The following DIP2C variants were observed in gnomAD, a reference collection of about 807,000 sequenced individuals.
DIP2C encodes DIP2 acetate--CoA ligase C (putative).
Under a neutral mutation model 192.4 loss-of-function variants are expected in DIP2C, and 33 were observed. That is an observed-to-expected ratio of 0.17 (90% CI 0.13 to 0.23). The LOEUF is 0.23. Ranked by LOEUF, DIP2C falls within the 10% of genes least tolerant of loss-of-function variation. The pLI is 1.00. For synonymous variants in DIP2C, 979 were observed against 864.1 expected, an observed-to-expected ratio of 1.13 and a Z score of -2.33; for missense variants, 1,537 against 2,110.1, an observed-to-expected ratio of 0.73 and a Z score of 5.32.
intron 33 of DIP2C, among the ~76,000 whole-genome samples, chr10:286,917 G>T (rs1389172420): frequency 6.6e-6 from 1 of 152,184 alleles, no homozygotes; most frequent in African/African-American, 2.4e-5. Flanking sequence ...GATATAGTAG[G>T]CAGCTGCTCT....
Position 567,172 on chromosome 10 carries a change from T to C in DIP2C, c.86-80642A>G, listed in dbSNP as rs193049203. Among the ~76,000 whole-genome samples the C allele has an allele frequency of 3.5e-5, 5 of 143,918 alleles. No individual in the cohort carries two copies. The East Asian group carries it at 7.9e-4, about 23-fold the overall frequency. The allele number at this position is 143,918 out of a possible 152,430, so 94.4% of individuals were successfully genotyped here. ...CCGGCGGAAGGAGGACAGGCACCGG[T>C]TTTGGGGGGTTTTTTGTTTTGTTTT... On this transcript the variant is annotated intron_variant, in intron 1 of 36. Transcript: ENST00000280886.
chr10:451,549 T>C (rs960231486), intron 3 of DIP2C, among the ~76,000 whole-genome samples: 7 of 152,230 alleles, frequency 4.6e-5, no homozygotes, highest in African/African-American at 1.4e-4. Flanking sequence ...TTCCTGACTA[T>C]AATTTAATCA....
Position 390,382 on chromosome 10 carries a change from T to C in DIP2C, c.1385-9A>G, listed in dbSNP as rs1564651007. 5 of 1,612,420 alleles carry C rather than the reference T, an allele frequency of 3.1e-6. No homozygotes were observed. The highest frequency in any genetic ancestry group is 4.2e-6 in the Non-Finnish European group (5 of 1,178,870). Reference sequence around the variant, plus strand: ...CAGCAGCTTTGGCCAACCTTGGAAATAAACAACAAGTTCCTTTTAAATGTT... The same window carrying C: ...CAGCAGCTTTGGCCAACCTTGGAAACAAACAACAAGTTCCTTTTAAATGTT... On this transcript the variant is annotated splice_polypyrimidine_tract_variant and intron_variant, in intron 11 of 36. Coordinates refer to ENST00000280886, the MANE Select transcript of DIP2C (RefSeq NM_014974.3).
intron 10 of DIP2C, among the ~76,000 whole-genome samples, chr10:397,134 C>T (rs7898532): frequency 0.99 from 151,346 of 152,302 alleles, 75,205 homozygotes; most frequent in Middle Eastern, 1. Context: ...AACTTTAATG[C>T]TGGAGTAGCC....
Position 615,220 on chromosome 10 carries a change from G to A in DIP2C, c.85+74274C>T, listed in dbSNP as rs138137664. Among the ~76,000 whole-genome samples the A allele has an allele frequency of 1.4e-4, 21 of 152,334 alleles. No homozygotes were observed. In the East Asian group the frequency reaches 3.5e-3, roughly 25 times the overall value. On this transcript the variant is annotated intron_variant, in intron 1 of 36. Transcript: ENST00000280886. ...CCCTAGGCGGGCTGCTTCTCCCAACGATCGGGGAAGAAATGAGATCTGTTT... is the reference window on the plus strand; with the variant it reads ...CCCTAGGCGGGCTGCTTCTCCCAACAATCGGGGAAGAAATGAGATCTGTTT...
intron 1 of DIP2C, among the ~76,000 whole-genome samples, chr10:593,485 A>ACCCCCCCCCC (rs10563749): frequency 2.0e-4 from 13 of 64,210 alleles, no homozygotes; most frequent in Non-Finnish European, 2.5e-4. Flanking sequence ...CCCACGCGGG[A>ACCCCCCCCCC]CCCCCCCCCC....
rs1232072264 is a variant in DIP2C at position 384,131 on chromosome 10, A to G, written c.1772T>C (p.Val591Ala). The change falls in exon 16 of 37, where the codon GTG becomes GCG. Residue 591 changes from valine (V) to alanine (A), a missense_variant. Physicochemically the swap from Val to Ala is moderately conservative, Grantham distance 64. Transcript: ENST00000280886. ...TGCCCAATGCATATCCCTCGATTTC[A>G]CACACGCCACTTTTGCTAAAAAGAA... The part of the protein sequence containing the change: ...VCQYKAKVAC[V>A]KSRDMHWALV... 1.9e-6 allele frequency: 3 copies of G among 1,609,532 alleles called. No homozygotes were observed. Among genetic ancestry groups the G allele is most frequent in the Non-Finnish European group, 2.5e-6 (3 of 1,179,108 alleles).
chr10:595,864 A>T (rs974349677), intron 1 of DIP2C, among the ~76,000 whole-genome samples: 1 of 152,258 alleles, frequency 6.6e-6, no homozygotes, highest in African/African-American at 2.4e-5. Flanking sequence ...TCATAATCTG[A>T]GGCCTGACAG....
At chr10:369,716 A>G in intron 17 of DIP2C, 83 bp from the exon 18 acceptor site, 1 of 1,606,860 alleles carries the variant, frequency 6.2e-7, no homozygotes, top group Non-Finnish European at 8.5e-7. Flanking sequence ...CACATGCGGC[A>G]GGCTGGGCAC....
intron 1 of DIP2C, among the ~76,000 whole-genome samples, chr10:645,567 T>C (rs115549830): frequency 0.024 from 3,600 of 152,308 alleles, 76 homozygotes; most frequent in East Asian, 0.085. Context: ...ATTGATGACT[T>C]GATGGTGGTA....
intron 16 of DIP2C, among the ~76,000 whole-genome samples, chr10:383,774 G>T (rs191516886): frequency 6.6e-6 from 1 of 152,196 alleles, no homozygotes; most frequent in East Asian, 1.9e-4. Context: ...CTGAATCCCA[G>T]GGCTGTGGAG....
At chr10:314,956 G>A (rs115856748) in intron 31 of DIP2C, among the ~76,000 whole-genome samples, 1,709 of 152,234 alleles carry the variant, frequency 0.011, 37 homozygotes, top group African/African-American at 0.039. Context: ...TACTTTTCAC[G>A]TCCTTATTGG....
chr10:382,070 G>C (rs569195014), intron 17 of DIP2C, among the ~76,000 whole-genome samples: 1 of 152,192 alleles, frequency 6.6e-6, no homozygotes, highest in African/African-American at 2.4e-5. Flanking sequence ...AAGTGTGTGC[G>C]TATCACACAG....
At chr10:429,826 A>G (rs1474799017) in intron 4 of DIP2C, among the ~76,000 whole-genome samples, 1 of 152,120 alleles carries the variant, frequency 6.6e-6, no homozygotes, top group Non-Finnish European at 1.5e-5. Context: ...GCAATTATGA[A>G]TAAGGCTGCT....
chr10:386,505 C>T (rs1392404528), intron 14 of DIP2C, among the ~76,000 whole-genome samples: 1 of 152,104 alleles, frequency 6.6e-6, no homozygotes, highest in Non-Finnish European at 1.5e-5. Flanking sequence ...AATCCCAAAG[C>T]AGGGGCTCCC....
chr10:663,546 G>A (rs1039918138), intron 1 of DIP2C: 7 of 152,354 alleles, frequency 4.6e-5, no homozygotes, highest in East Asian at 1.9e-4. Flanking sequence ...GAAGCATTTA[G>A]AGGCATAAGT....
intron 1 of DIP2C, among the ~76,000 whole-genome samples, chr10:550,181 T>C (rs1187609746): frequency 6.6e-6 from 1 of 152,084 alleles, no homozygotes; most frequent in African/African-American, 2.4e-5. Context: ...AGCTAATTTT[T>C]GTACTTTTAG....
intron 1 of DIP2C, among the ~76,000 whole-genome samples, chr10:577,316 GGAA>G (rs755903678): frequency 1.5e-4 from 23 of 152,318 alleles, no homozygotes; most frequent in East Asian, 5.8e-4. Context: ...AAAATTTAGA[GGAA>G]GAAGAAGTAT....
At chr10:585,241 A>AT (rs749148345) in intron 1 of DIP2C, among the ~76,000 whole-genome samples, 1 of 152,102 alleles carries the variant, frequency 6.6e-6, no homozygotes, top group Non-Finnish European at 1.5e-5. Flanking sequence ...AGCGTTCCCC[A>AT]TCCCACGCCA....
Sources: allele counts gnomAD v4.1 joint callset (sites outside exome capture counted in the v4.1 genomes callset), GRCh38; gene constraint gnomAD v4.1.1; transcripts MANE v1.5; gene names NCBI Gene and HGNC (gene_info 2026-07-23, HGNC 2026-07-21).